ACOX2: variants seen among roughly 807,000 people sequenced by gnomAD.
The protein encoded by ACOX2 is peroxisomal acyl-coenzyme A oxidase 2.
ACOX2 carries 59 observed loss-of-function variants against 77.5 expected under a neutral mutation model. The ratio of observed to expected loss-of-function variants is 0.76; its 90% CI spans 0.62 to 0.95. The LOEUF (loss-of-function observed/expected upper bound fraction) is 0.95, where lower values mean the gene tolerates loss of function less well. Among genes scored for constraint, ACOX2 ranks in the 40% least tolerant of loss-of-function variants. The pLI is 0.00. For synonymous variants in ACOX2, 317 were observed against 340.1 expected, an observed-to-expected ratio of 0.93 and a Z score of 0.75; for missense variants, 837 against 880.4, an observed-to-expected ratio of 0.95 and a Z score of 0.62.
rs1408921556 is a variant in ACOX2, at chr3:58,510,676, A to G, written c.1851-1651T>C. On this transcript the variant is annotated intron_variant, in intron 13 of 14. Transcript: ENST00000302819. ...AAAAAAAAAAAAAATATATATATAT[A>G]TATATATATATATATATATATATAT... Among the ~76,000 whole-genome samples, 3 of 8,740 alleles carry G rather than the reference A, an allele frequency of 3.4e-4. 1 individual carries two copies. The highest frequency in any genetic ancestry group is 1.2e-3 in the African/African-American group (3 of 2,540). 5.7% of individuals were successfully genotyped at this position (8,740 alleles called of 152,430 possible).
rs755009415 is a variant in ACOX2 at position 58,517,295 on chromosome 3, G to C, written c.1761C>G (p.Asn587Lys). The C allele has an allele frequency of 7.4e-6, 12 of 1,614,080 alleles. 1 individual carries two copies. The highest frequency in any genetic ancestry group is 1.6e-4 in the Middle Eastern group (1 of 6,084). ...AGGCGTCATGGAGAAAGTCACCCGA[G>C]TTAGTCAAGATTCCATGTATGGCAT... ...DLHAIHGILTNSGDFLHDAFL... is the reference protein window; with the variant it reads ...DLHAIHGILTKSGDFLHDAFL... The change falls in exon 13 of 15, where the codon AAC (asparagine) becomes AAG (lysine). Residue 587 changes from asparagine (N) to lysine (K), a missense_variant. Coordinates refer to ENST00000302819, the MANE Select transcript of ACOX2 (RefSeq NM_003500.4).
Position 58,524,312 on chromosome 3 carries a change from T to G in ACOX2, c.1526+114A>C. The G allele has an allele frequency of 1.5e-6, 2 of 1,324,536 alleles. No homozygotes were observed. The highest frequency in any genetic ancestry group is 2.1e-6 in the Non-Finnish European group (2 of 967,856). The allele number at this position is 1,324,536 out of a possible 1,614,324, so 82.0% of individuals were successfully genotyped here. A position where few individuals can be genotyped will look rare whatever the true frequency, so the allele number is the denominator to read the frequency against. The stretch of plus-strand genomic sequence containing the variant: ...CTGAGAGGACCGGGGAGGCTAGGCA[T>G]GGGGTGGTTTTTAGAACTGAATCCA... On this transcript the variant is annotated intron_variant, in intron 11 of 14. Transcript: ENST00000302819. This position sits in a 1 kb window ranked among gnomAD's most constrained non-coding sequence, Gnocchi z 5.5.
intron 13 of ACOX2, among the ~76,000 whole-genome samples, chr3:58,510,709 T>TAC (rs60942766): frequency 0.02 from 148 of 7,230 alleles, 2 homozygotes; most frequent in South Asian, 0.044. Context: ...TATATATATA[T>TAC]ACACACACAC....
At chr3:58,518,159 T>C (rs905039551) in intron 12 of ACOX2, among the ~76,000 whole-genome samples, 1 of 151,426 alleles carries the variant, frequency 6.6e-6, no homozygotes, top group African/African-American at 2.4e-5. Flanking sequence ...GGTGTGTGTG[T>C]GTGCGTGCAC....
intron 14 of ACOX2, among the ~76,000 whole-genome samples, chr3:58,507,906 A>T (rs978655769): frequency 1.3e-5 from 2 of 152,212 alleles, no homozygotes; most frequent in African/African-American, 4.8e-5. Context: ...GCTGGGTGTG[A>T]ATGAAAGCCT....
Position 58,528,216 on chromosome 3 carries a change from A to T in ACOX2, c.1155+578T>A, listed in dbSNP as rs2063411319. 6.6e-6 allele frequency among the ~76,000 whole-genome samples: 1 copy of T among 152,198 alleles called. No homozygotes were observed. The highest frequency in any genetic ancestry group is 2.1e-4 in the South Asian group (1 of 4,832). ...TTGGAAGGGTTAATGAGCAGTGCTT[A>T]TAAAGCATGGTAGCCTGGACAGACT... On this transcript the variant is annotated intron_variant, in intron 9 of 14. Transcript: ENST00000302819. The surrounding 1 kb of genome is among the most constrained non-coding windows in gnomAD (Gnocchi z 5.6).
rs553958582 is a variant in ACOX2, at chr3:58,509,354, C to T, written c.1851-329G>A. ...CATCCTGGGTAACATGGTGAAACCCCGTCTCTACTAAAAATACAAAAAATT... is the reference window on the plus strand; with the variant it reads ...CATCCTGGGTAACATGGTGAAACCCTGTCTCTACTAAAAATACAAAAAATT... On this transcript the variant is annotated intron_variant, in intron 13 of 14. Coordinates refer to ENST00000302819, the MANE Select transcript of ACOX2 (RefSeq NM_003500.4). Among the ~76,000 whole-genome samples the T allele has an allele frequency of 6.6e-5, 10 of 151,674 alleles. No homozygotes were observed. In the East Asian group the frequency reaches 1.4e-3, roughly 21 times the overall value.
At chr3:58,530,335 T>C in intron 8 of ACOX2, 131 bp downstream of exon 8, 1 of 1,294,338 alleles carries the variant, frequency 7.7e-7, no homozygotes. Context: ...TGTGTTTGTG[T>C]GTGTGTATGT....
At chr3:58,511,128 C>A in intron 13 of ACOX2, 2 of 450,858 alleles carry the variant, frequency 4.4e-6, no homozygotes, top group South Asian at 3.2e-5. Context: ...TGCTTTCTCT[C>A]TTCAGGCTCT....
Position 58,526,281 on chromosome 3 carries a change from G to A in ACOX2, c.1346+185C>T, listed in dbSNP as rs1001909120. On this transcript the variant is annotated intron_variant, in intron 10 of 14. Transcript: ENST00000302819. This position sits in a 1 kb window ranked among gnomAD's most constrained non-coding sequence, Gnocchi z 4.3. ...CCAGGGAGGGGTCTGAGGCTGTGGT[G>A]GAGGTGAGAGAGGATGGTGGCCTAG... 1.3e-5 allele frequency among the ~76,000 whole-genome samples: 2 copies of A among 152,214 alleles called. No homozygotes were observed. Among genetic ancestry groups the A allele is most frequent in the African/African-American group, 4.8e-5 (2 of 41,460 alleles).
intron 12 of ACOX2, among the ~76,000 whole-genome samples, chr3:58,517,892 T>C (rs554046205): frequency 6.6e-6 from 1 of 151,766 alleles, no homozygotes; most frequent in Admixed American, 6.6e-5. Flanking sequence ...ATGACCAACA[T>C]GGTGAAACCC....
intron 7 of ACOX2, 143 bp from the exon 8 acceptor site, chr3:58,530,781 G>T: frequency 9.0e-7 from 1 of 1,117,010 alleles, no homozygotes; most frequent in Non-Finnish European, 1.3e-6. Context: ...AAAATACCAG[G>T]CCATTTCCCC....
intron 13 of ACOX2, among the ~76,000 whole-genome samples, chr3:58,513,781 C>T (rs2063303636): frequency 6.6e-6 from 1 of 152,134 alleles, no homozygotes; most frequent in Admixed American, 6.5e-5. Context: ...TAGCTAAAAG[C>T]AAAGCCTTAA....
At chr3:58,518,532 T>G (rs2063337875) in intron 12 of ACOX2, among the ~76,000 whole-genome samples, 1 of 152,170 alleles carries the variant, frequency 6.6e-6, no homozygotes, top group Non-Finnish European at 1.5e-5. Flanking sequence ...TTTTGAACAG[T>G]CCGCATCTCG....
rs555138021 is a variant in ACOX2, at chr3:58,531,878, A to C, written c.584-66T>G. The C allele has an allele frequency of 2.2e-5, 33 of 1,530,734 alleles. No homozygotes were observed. The highest frequency in any genetic ancestry group is 4.0e-5 in the Admixed American group (2 of 49,746). The allele number at this position is 1,530,734 out of a possible 1,614,324, so 94.8% of individuals were successfully genotyped here. On this transcript the variant is annotated intron_variant, in intron 5 of 14. Coordinates refer to ENST00000302819, the MANE Select transcript of ACOX2 (RefSeq NM_003500.4). The surrounding 1 kb of genome is among the most constrained non-coding windows in gnomAD (Gnocchi z 5.8). ...GTGCATTGCTTTTCCCAACCAACCCAGCCTCCTGGGGCTGGGGTTTTGGAT... is the reference window on the plus strand; with the variant it reads ...GTGCATTGCTTTTCCCAACCAACCCCGCCTCCTGGGGCTGGGGTTTTGGAT...
rs2063344723 is a variant in ACOX2, at chr3:58,519,532, G to A, written c.1633-2109C>T. Among the ~76,000 whole-genome samples, 1 of 152,180 alleles carries A rather than the reference G, an allele frequency of 6.6e-6. No homozygotes were observed. The highest frequency in any genetic ancestry group is 2.1e-4 in the South Asian group (1 of 4,824). ...GGCAATTTAATGAGGCTGAAGTGTG[G>A]TGGTATAATGAGGTGATGATGGGGA... is the stretch of plus-strand genomic sequence containing the variant. On this transcript the variant is annotated intron_variant, in intron 12 of 14. Coordinates refer to ENST00000302819, the MANE Select transcript of ACOX2 (RefSeq NM_003500.4). This position sits in a 1 kb window ranked among gnomAD's most constrained non-coding sequence, Gnocchi z 5.0.
At chr3:58,516,501 G>A (rs1453636017) in intron 13 of ACOX2, among the ~76,000 whole-genome samples, 2 of 152,168 alleles carry the variant, frequency 1.3e-5, no homozygotes, top group African/African-American at 4.8e-5. Flanking sequence ...TGAGATGTAT[G>A]TAAAAGCTTT....
In ACOX2 at chr3:58,526,402, C is replaced by A; in HGVS notation, c.1346+64G>T. The stretch of plus-strand genomic sequence containing the variant: ...TATGGGCCTCAGACGGAACCCTCCA[C>A]CCAACAGAAGCTTGGTGGGTCCCCA... On this transcript the variant is annotated intron_variant, in intron 10 of 14. Transcript: ENST00000302819. The surrounding 1 kb of genome is among the most constrained non-coding windows in gnomAD (Gnocchi z 4.3). The A allele has an allele frequency of 6.6e-7, 1 of 1,512,130 alleles. No homozygotes were observed. Among genetic ancestry groups the A allele is most frequent in the Non-Finnish European group, 8.9e-7 (1 of 1,125,932 alleles). The allele number at this position is 1,512,130 out of a possible 1,614,324, so 93.7% of individuals were successfully genotyped here.
chr3:58,532,513 G>A (rs1024311093), intron 5 of ACOX2, among the ~76,000 whole-genome samples: 3 of 152,090 alleles, frequency 2.0e-5, no homozygotes, highest in Non-Finnish European at 4.4e-5. Context: ...AGCCTCCCGA[G>A]TAGGTGGGAC....
Sources: gnomAD v4.1 joint callset for allele counts (sites outside exome capture counted in the v4.1 genomes callset) on GRCh38, gnomAD v4.1.1 for gene constraint, Gnocchi (gnomAD v3.1) non-coding constraint, MANE v1.5 for transcripts, NCBI Gene and HGNC (gene_info 2026-07-23, HGNC 2026-07-21) for gene names.